TRIO: variants seen among roughly 807,000 people sequenced by gnomAD.
TRIO encodes the protein trio Rho guanine nucleotide exchange factor.
A neutral mutation model predicts 351.9 loss-of-function variants in TRIO; 58 were observed. That is an observed-to-expected ratio of 0.16 (90% CI 0.13 to 0.21). The LOEUF (loss-of-function observed/expected upper bound fraction) is 0.21. Among genes scored for constraint, TRIO ranks in the 10% least tolerant of loss-of-function variants. TRIO has a pLI of 1.00. For synonymous variants in TRIO, 1,758 were observed against 1,595.7 expected (o/e 1.10, Z -2.42); for missense variants, 3,201 against 4,027.8 (o/e 0.79, Z 5.56).
chr5:14,484,713 C>G lies in TRIO; in HGVS notation c.6658-356C>G, dbSNP rs1755790580. ...ATCACCATCATCTGTCTTCACAACT[C>G]TTCATCTTGCAGAGCTAAAGCCCTG... On this transcript the variant is annotated intron_variant, in intron 46 of 56. Transcript: ENST00000344204. Among the ~76,000 whole-genome samples the G allele has an allele frequency of 2.0e-5, 3 of 152,150 alleles. No homozygotes were observed. The South Asian group carries it at 6.2e-4, about 32-fold the overall frequency.
intron 34 of TRIO, among the ~76,000 whole-genome samples, chr5:14,452,985 C>T (rs1034786962): frequency 1.3e-5 from 2 of 152,084 alleles, no homozygotes; most frequent in Admixed American, 6.6e-5. Context: ...TGGCAGTCCC[C>T]GTGTTTTGTG....
intron 41 of TRIO, among the ~76,000 whole-genome samples, chr5:14,478,310 A>G (rs767139091): frequency 3.3e-5 from 5 of 152,206 alleles, no homozygotes; most frequent in Admixed American, 1.3e-4. Flanking sequence ...TTTACTATAA[A>G]TTTGTGGCAG....
At chr5:14,255,781 A>G (rs1329845230) in intron 1 of TRIO, among the ~76,000 whole-genome samples, 1 of 152,216 alleles carries the variant, frequency 6.6e-6, no homozygotes, top group Non-Finnish European at 1.5e-5. Context: ...GAGACCTGTC[A>G]CATTAGGTCA....
chr5:14,388,471 C>A, intron 23 of TRIO, 142 bp from the exon 24 acceptor site: 2 of 783,510 alleles, frequency 2.6e-6, no homozygotes, highest in East Asian at 2.5e-5. Context: ...GGATACTGTT[C>A]TATTTGTGAT....
chr5:14,334,640 TG>T (rs1741225240), intron 10 of TRIO, among the ~76,000 whole-genome samples: 1 of 152,222 alleles, frequency 6.6e-6, no homozygotes, highest in Non-Finnish European at 1.5e-5. Context: ...TGTGGCACTC[TG>T]GGTTCTCTGT....
Position 14,471,339 on chromosome 5 carries a change from T to A in TRIO, c.5785T>A (p.Ser1929Thr). ...CCAGGCACTGGAGGATCGCCCCAGCTCACTCCTTGTTGACCAGGGAGATAG... is the reference window on the plus strand; with the variant it reads ...CCAGGCACTGGAGGATCGCCCCAGCACACTCCTTGTTGACCAGGGAGATAG... The part of the protein sequence containing the change: ...SKMALEDRPS[S>T]LLVDQGDSSS... Residue 1929 changes from serine to threonine, a missense_variant, in exon 38 of 57, where the codon TCA (serine) becomes ACA (threonine). By Grantham distance (58) the Ser-to-Thr change is moderately conservative. This residue lies in a region of TRIO where 307 missense variants were observed against 396.5 expected (regional missense o/e 0.77). Transcript: ENST00000344204. The A allele has an allele frequency of 6.2e-7, 1 of 1,614,070 alleles. No individual in the cohort carries two copies. The highest frequency in any genetic ancestry group is 8.5e-7 in the Non-Finnish European group (1 of 1,179,984).
At chr5:14,216,003 G>A (rs1006262341) in intron 1 of TRIO, among the ~76,000 whole-genome samples, 1 of 152,104 alleles carries the variant, frequency 6.6e-6, no homozygotes, top group Non-Finnish European at 1.5e-5. Context: ...CCTTCTCTGT[G>A]CGTTAGTTTC....
In TRIO at chr5:14,316,694, G is replaced by A. The variant is rs772006621; in HGVS notation, c.1682G>A (p.Arg561Gln). The A allele has an allele frequency of 5.6e-6, 9 of 1,614,044 alleles. No individual in the cohort carries two copies. Among genetic ancestry groups the A allele is most frequent in the Non-Finnish European group, 7.6e-6 (9 of 1,180,046 alleles). The change falls in exon 9 of 57, where the codon CGG becomes CAG. Residue 561 changes from arginine to glutamine, a missense_variant. This residue lies in a region of TRIO where 349 missense variants were observed against 449.3 expected (regional missense o/e 0.78). Coordinates refer to ENST00000344204, the MANE Select transcript of TRIO (RefSeq NM_007118.4). ...AACATCTGGCAACACCGCAAGGTCC[G>A]GCTGCATCAGAGGCTGCAGCTGTGT... Reference protein sequence around the residue: ...LENIWQHRKVRLHQRLQLCVF... With the variant: ...LENIWQHRKVQLHQRLQLCVF...
chr5:14,195,962 T>C lies in TRIO; in HGVS notation c.157+52080T>C, dbSNP rs908481493. Among the ~76,000 whole-genome samples the C allele has an allele frequency of 2.6e-5, 4 of 152,216 alleles. No homozygotes were observed. The South Asian group carries it at 8.3e-4, about 32-fold the overall frequency. On this transcript the variant is annotated intron_variant, in intron 1 of 56. Coordinates refer to ENST00000344204, the MANE Select transcript of TRIO (RefSeq NM_007118.4). ...ATCCAGCTTTTTCTCCATATCTGTA[T>C]TTGTATAAATTTTAAAAACTGAGCA...
intron 34 of TRIO, among the ~76,000 whole-genome samples, chr5:14,446,468 G>T (rs965642929): frequency 1.3e-5 from 2 of 152,158 alleles, no homozygotes; most frequent in African/African-American, 4.8e-5. Context: ...AAAATAAAAT[G>T]CAGTGCCATT....
At chr5:14,259,773 A>G (rs1795234903) in intron 1 of TRIO, among the ~76,000 whole-genome samples, 1 of 147,406 alleles carries the variant, frequency 6.8e-6, no homozygotes, top group Admixed American at 6.7e-5. Flanking sequence ...ACAAGTTACA[A>G]AGTGCCAGGT....
intron 2 of TRIO, among the ~76,000 whole-genome samples, chr5:14,277,465 T>G: frequency 6.6e-6 from 1 of 152,382 alleles, no homozygotes; most frequent in Non-Finnish European, 1.5e-5. Context: ...CAGCATTTCC[T>G]GTCTTTTTCA....
chr5:14,387,105 T>C (rs1271240288), intron 21 of TRIO, among the ~76,000 whole-genome samples: 1 of 152,260 alleles, frequency 6.6e-6, no homozygotes, highest in Non-Finnish European at 1.5e-5. Context: ...AGTAGCAGCA[T>C]TGTGAAGACC....
At chr5:14,171,202 A>G (rs924026656) in intron 1 of TRIO, among the ~76,000 whole-genome samples, 1 of 152,234 alleles carries the variant, frequency 6.6e-6, no homozygotes, top group East Asian at 1.9e-4. Context: ...TTCAGTTTGC[A>G]TGACCACAAA....
intron 6 of TRIO, among the ~76,000 whole-genome samples, chr5:14,295,129 A>G (rs1206465744): frequency 6.6e-6 from 1 of 152,192 alleles, no homozygotes; most frequent in Non-Finnish European, 1.5e-5. Context: ...ATGCAGGGCA[A>G]GGGTATTTAA....
chr5:14,483,990 T>C (rs915310983), intron 46 of TRIO, among the ~76,000 whole-genome samples: 4 of 151,876 alleles, frequency 2.6e-5, no homozygotes, highest in African/African-American at 9.7e-5. Context: ...GCAGCCATCA[T>C]CTGAACTACA....
intron 34 of TRIO, among the ~76,000 whole-genome samples, chr5:14,459,900 ATTTCT>A (rs949384434): frequency 3.3e-5 from 5 of 151,802 alleles, no homozygotes; most frequent in Admixed American, 1.3e-4. Flanking sequence ...CCCTCCTCAC[ATTTCT>A]TTTCTTTTTT....
rs147276077 is a variant in TRIO, at chr5:14,472,178, G to T, written c.5913-414G>T. ...AAACAGAAATACTTGTGAGTGATGT[G>T]ATTAGACACAAGGTTTAAACATCTG... is the stretch of plus-strand genomic sequence containing the variant. On this transcript the variant is annotated intron_variant, in intron 38 of 56. Transcript: ENST00000344204. Among the ~76,000 whole-genome samples the T allele has an allele frequency of 5.6e-3, 860 of 152,378 alleles. 9 individuals carry two copies. The highest frequency in any genetic ancestry group is 0.02 in the African/African-American group (812 of 41,594).
chr5:14,415,406 C>T (rs181673549), intron 33 of TRIO, among the ~76,000 whole-genome samples: 9 of 152,126 alleles, frequency 5.9e-5, no homozygotes, highest in African/African-American at 1.4e-4. Context: ...CGCCGTCTAT[C>T]GAGAGCCATA....
Sources: allele counts gnomAD v4.1 joint callset (sites outside exome capture counted in the v4.1 genomes callset), GRCh38; gene constraint gnomAD v4.1.1; regional missense constraint gnomAD v4.1.1; transcripts MANE v1.5; gene names NCBI Gene and HGNC (gene_info 2026-07-23, HGNC 2026-07-21).